JMJD1C: variants seen among roughly 807,000 people sequenced by gnomAD.
The protein encoded by JMJD1C is jumonji domain containing 1C, also known as jumonji domain-containing protein 1C.
JMJD1C carries 31 observed loss-of-function variants against 245.3 expected under a neutral mutation model. That is an observed-to-expected ratio of 0.13 (90% CI 0.09 to 0.17). The LOEUF (loss-of-function observed/expected upper bound fraction) is 0.17, where lower values mean the gene tolerates loss of function less well. Ranked by LOEUF, JMJD1C falls within the 10% of genes least tolerant of loss-of-function variation. The pLI, the probability that JMJD1C is intolerant of heterozygous loss-of-function variation, is 1.00. For missense variants in JMJD1C, 2,691 were observed against 3,000.2 expected, an observed-to-expected ratio of 0.90 and a Z score of 2.41; for synonymous variants, 1,057 against 1,017.4, an observed-to-expected ratio of 1.04 and a Z score of -0.74.
chr10:63,270,570 G>A (rs1392017968), intron 2 of JMJD1C, among the ~76,000 whole-genome samples: 4 of 152,044 alleles, frequency 2.6e-5, no homozygotes, highest in East Asian at 1.9e-4. Flanking sequence ...GGGCTCGAGC[G>A]ATCCTCCGAC....
chr10:63,429,495 A>AG (rs1950625815), intron 1 of JMJD1C, among the ~76,000 whole-genome samples: 1 of 152,252 alleles, frequency 6.6e-6, no homozygotes, highest in Non-Finnish European at 1.5e-5. Context: ...ATGAAGGATG[A>AG]GAACAAAAAC....
At position 63,192,942 on chromosome 10, in the gene JMJD1C, T is replaced by A. The variant is rs1282626982; in HGVS notation, c.6072A>T (p.Lys2024Asn). ...TAGATAATCAATTATGTTTACCTTT[T>A]TTTTCCTCTCTGGCTTTTTGCTCTG... is the stretch of plus-strand genomic sequence containing the variant. ...DLAEQKAREEKKENKELTLEN... is the reference protein window; with the variant it reads ...DLAEQKAREENKENKELTLEN... Residue 2024 changes from lysine (K) to asparagine (N), a missense_variant, in exon 16 of 26, where the codon AAA (lysine) becomes AAT (asparagine). This residue lies in a region of JMJD1C where 275 missense variants were observed against 285.5 expected (regional missense o/e 0.96). Coordinates refer to ENST00000399262, the MANE Select transcript of JMJD1C (RefSeq NM_032776.3). 6.2e-7 allele frequency: 1 copy of A among 1,612,486 alleles called. No individual in the cohort carries two copies. The highest frequency in any genetic ancestry group is 8.5e-7 in the Non-Finnish European group (1 of 1,178,532).
chr10:63,475,087 G>A (rs1043455407), intron 1 of JMJD1C, among the ~76,000 whole-genome samples: 1 of 152,070 alleles, frequency 6.6e-6, no homozygotes, highest in Admixed American at 6.6e-5. Context: ...ATGAAAATTT[G>A]CAGATGTTCA....
intron 2 of JMJD1C, among the ~76,000 whole-genome samples, chr10:63,287,849 G>A (rs1411875493): frequency 1.3e-5 from 2 of 152,016 alleles, no homozygotes; most frequent in African/African-American, 4.8e-5. Flanking sequence ...CTGGGTTCAA[G>A]TGATTCTCCT....
chr10:63,270,275 T>G (rs1370527992), intron 2 of JMJD1C, among the ~76,000 whole-genome samples: 1 of 151,996 alleles, frequency 6.6e-6, no homozygotes, highest in Non-Finnish European at 1.5e-5. Flanking sequence ...CAAGCGATTC[T>G]CCTCCCTCAG....
intron 1 of JMJD1C, among the ~76,000 whole-genome samples, chr10:63,389,797 A>AG (rs1405396040): frequency 3.9e-5 from 6 of 152,186 alleles, no homozygotes; most frequent in Admixed American, 1.3e-4. Flanking sequence ...AATGACCACT[A>AG]GGTCAAGAAA....
At chr10:63,257,100 G>T (rs1256975387) in intron 3 of JMJD1C, among the ~76,000 whole-genome samples, 4 of 151,856 alleles carry the variant, frequency 2.6e-5, no homozygotes, top group African/African-American at 9.7e-5. Flanking sequence ...AGCCGGGCGT[G>T]GTGGCTCGCA....
At chr10:63,517,418 C>A (rs1955053865) in intron 1 of JMJD1C, among the ~76,000 whole-genome samples, 1 of 152,114 alleles carries the variant, frequency 6.6e-6, no homozygotes, top group African/African-American at 2.4e-5. Context: ...ACAGTATCAT[C>A]CCCATATTCA....
At chr10:63,428,052 A>G (rs545569247) in intron 1 of JMJD1C, 689 of 588,938 alleles carry the variant, frequency 1.2e-3, no homozygotes, top group Non-Finnish European at 1.8e-3. Flanking sequence ...AGCCCTAAAA[A>G]TACACACAAC....
At chr10:63,181,579 T>C (rs926162328) in intron 22 of JMJD1C, among the ~76,000 whole-genome samples, 1 of 152,180 alleles carries the variant, frequency 6.6e-6, no homozygotes. Flanking sequence ...TGACCACCTA[T>C]AAAAAGTGAC....
intron 2 of JMJD1C, among the ~76,000 whole-genome samples, chr10:63,288,663 G>A (rs1172805900): frequency 6.6e-6 from 1 of 151,992 alleles, no homozygotes; most frequent in Non-Finnish European, 1.5e-5. Context: ...AGCACTTTGG[G>A]AGGCCAAGGT....
intron 3 of JMJD1C, among the ~76,000 whole-genome samples, chr10:63,229,336 T>C (rs1849687298): frequency 6.6e-6 from 1 of 152,048 alleles, no homozygotes; most frequent in Admixed American, 6.6e-5. Flanking sequence ...TTCCAAAACG[T>C]AATTATACAT....
At chr10:63,429,442 C>G (rs1387920482) in intron 1 of JMJD1C, among the ~76,000 whole-genome samples, 1 of 152,168 alleles carries the variant, frequency 6.6e-6, no homozygotes, top group Non-Finnish European at 1.5e-5. Flanking sequence ...ATCTGTTTTT[C>G]TCACAACTCA....
chr10:63,352,358 C>A (rs1030529820), intron 2 of JMJD1C, among the ~76,000 whole-genome samples: 2 of 152,098 alleles, frequency 1.3e-5, no homozygotes, highest in African/African-American at 4.8e-5. Flanking sequence ...GGAAGTCTGG[C>A]CAGCCATGGT....
chr10:63,254,953 A>C (rs1346227564), intron 3 of JMJD1C, among the ~76,000 whole-genome samples: 1 of 152,046 alleles, frequency 6.6e-6, no homozygotes, highest in African/African-American at 2.4e-5. Context: ...TCCTGGGCTC[A>C]AGCGATCCTC....
chr10:63,456,691 T>A (rs566742136), intron 1 of JMJD1C, among the ~76,000 whole-genome samples: 27 of 152,158 alleles, frequency 1.8e-4, no homozygotes, highest in African/African-American at 6.5e-4. Context: ...CCTACTGCCA[T>A]GTTAACATTT....
intron 1 of JMJD1C, chr10:63,521,429 C>T: frequency 4.6e-6 from 2 of 430,496 alleles, no homozygotes; most frequent in East Asian, 7.6e-5. Context: ...CTGAGGGCGC[C>T]AGCGCGGCCC....
At chr10:63,222,721 G>A in intron 3 of JMJD1C, 2 of 1,539,066 alleles carry the variant, frequency 1.3e-6, no homozygotes, top group Admixed American at 1.7e-5. Context: ...TGATTGACTT[G>A]GATCTTTATA....
intron 2 of JMJD1C, among the ~76,000 whole-genome samples, chr10:63,340,289 C>T (rs932228625): frequency 9.9e-5 from 15 of 152,154 alleles, no homozygotes; most frequent in Admixed American, 3.3e-4. Context: ...TTTCTGAATA[C>T]GCCCAGATTA....
Sources: gnomAD v4.1 joint callset for allele counts (sites outside exome capture counted in the v4.1 genomes callset) on GRCh38, gnomAD v4.1.1 for gene constraint, gnomAD v4.1.1 regional missense constraint, MANE v1.5 for transcripts, NCBI Gene and HGNC (gene_info 2026-07-23, HGNC 2026-07-21) for gene names.